Variants in MSH3 observed in about 807,000 individuals in gnomAD.
The protein encoded by MSH3 is DNA mismatch repair protein Msh3.
In MSH3, 106 loss-of-function variants were observed where a neutral mutation model predicts 123.3. The ratio of observed to expected loss-of-function variants is 0.86; its 90% confidence interval spans 0.73 to 1.01. The LOEUF is 1.01. Among genes scored for constraint, MSH3 ranks in the 50% least tolerant of loss-of-function variants. The pLI, the probability that MSH3 is intolerant of heterozygous loss-of-function variation, is 0.00. For missense variants in MSH3, 1,459 were observed against 1,347.6 expected (o/e 1.08, Z -1.29); for synonymous variants, 515 against 481.4 (o/e 1.07, Z -0.91).
chr5:80,797,583 A>G (rs952308063), intron 19 of MSH3, among the ~76,000 whole-genome samples: 3 of 152,252 alleles, frequency 2.0e-5, no homozygotes, highest in Non-Finnish European at 4.4e-5. Context: ...TGAGTAAACT[A>G]TGGTTCAGAA....
rs570136307 is a variant in MSH3 at position 80,670,128 on chromosome 5, G to T, written c.611G>T (p.Gly204Val). 3 of 1,614,022 alleles carry T rather than the reference G, an allele frequency of 1.9e-6. No homozygotes were observed. In the South Asian group the frequency reaches 3.3e-5, roughly 18 times the overall value. Residue 204 changes from glycine (G) to valine (V), a missense_variant, in exon 4 of 24, where the codon GGA becomes GTA. Transcript: ENST00000265081. ...ACACTTTTTGATCTCAGTCAGTTTG[G>T]ATCATCAAATACAAGTCATGAAAAT... ...DTTLFDLSQF[G>V]SSNTSHENLQ...
At chr5:80,721,735 A>G (rs530760912) in intron 8 of MSH3, among the ~76,000 whole-genome samples, 2 of 152,360 alleles carry the variant, frequency 1.3e-5, no homozygotes, top group Admixed American at 6.5e-5. Flanking sequence ...CTGAAAAACT[A>G]TGCTTGAATC....
At chr5:80,685,658 T>A (rs907228533) in intron 8 of MSH3, among the ~76,000 whole-genome samples, 1 of 152,218 alleles carries the variant, frequency 6.6e-6, no homozygotes, top group Non-Finnish European at 1.5e-5. Context: ...TTTCATTTAT[T>A]TCTGCTCTGA....
intron 20 of MSH3, among the ~76,000 whole-genome samples, chr5:80,824,360 T>TGGGGGCTGCCCCCCACCTCCCTCCAGGAC (rs1273970659): frequency 3.4e-5 from 5 of 146,112 alleles, no homozygotes; most frequent in South Asian, 2.2e-4. Flanking sequence ...GCTGGCCGGG[T>TGGGGGCTGCCCCCCACCTCCCTCCAGGAC]GGGGGCTGCC....
At chr5:80,780,404 C>A (rs1479270623) in intron 17 of MSH3, among the ~76,000 whole-genome samples, 1 of 152,182 alleles carries the variant, frequency 6.6e-6, no homozygotes, top group Non-Finnish European at 1.5e-5. Context: ...ACCCAACTTA[C>A]AAATGAATAA....
chr5:80,719,759 G>A (rs1219716303), intron 8 of MSH3, among the ~76,000 whole-genome samples: 1 of 152,204 alleles, frequency 6.6e-6, no homozygotes, highest in African/African-American at 2.4e-5. Context: ...GAGAGTCTTA[G>A]TTCTCCAAAC....
At chr5:80,869,841 T>TATACATATATACATATATATACACAC (rs376147429) in intron 22 of MSH3, among the ~76,000 whole-genome samples, 8 of 132,522 alleles carry the variant, frequency 6.0e-5, no homozygotes, top group African/African-American at 8.6e-5. Flanking sequence ...TACATATATA[T>TATACATATATACATATATATACACAC]ACACACACAC....
chr5:80,692,944 T>C lies in MSH3; in HGVS notation c.1340+13851T>C, dbSNP rs1039353167. On this transcript the variant is annotated intron_variant, in intron 8 of 23. Coordinates refer to ENST00000265081, the MANE Select transcript of MSH3 (RefSeq NM_002439.5). ...ATGTATATGTTTAGATAAATATACA[T>C]GCACATGTATATGTTTAGATAAATA... 6.4e-4 allele frequency among the ~76,000 whole-genome samples: 54 copies of C among 83,902 alleles called. 2 individuals are homozygous for C. Among genetic ancestry groups the C allele is most frequent in the African/African-American group, 2.4e-3 (51 of 20,922 alleles). The allele number at this position is 83,902 out of a possible 152,430, so 55.0% of individuals were successfully genotyped here. A position where few individuals can be genotyped will look rare whatever the true frequency, so the allele number is the denominator to read the frequency against.
chr5:80,827,872 G>A (rs904508446), intron 20 of MSH3, among the ~76,000 whole-genome samples: 2 of 152,138 alleles, frequency 1.3e-5, no homozygotes, highest in African/African-American at 4.8e-5. Flanking sequence ...GATGAAGGAG[G>A]CCTTTAGACA....
Position 80,768,021 on chromosome 5 carries a change from A to G in MSH3, c.1985A>G (p.His662Arg). 1 of 1,613,730 alleles carries G rather than the reference A, an allele frequency of 6.2e-7. No homozygotes were observed. ...GCAATAATACCTGCTGTTAATTCCC[A>G]CATTCAGTCAGACTTGCTCCGGACC... Reference protein sequence around the residue: ...FQAIIPAVNSHIQSDLLRTVI... With the variant: ...FQAIIPAVNSRIQSDLLRTVI... The change falls in exon 14 of 24, where the codon CAC becomes CGC. Residue 662 changes from histidine (H) to arginine (R), a missense_variant. Physicochemically the swap from His to Arg is conservative, Grantham distance 29. Transcript: ENST00000265081.
rs1451464888 is a variant in MSH3 at position 80,864,942 on chromosome 5, G to A, written c.3130G>A (p.Gly1044Ser). Reference protein sequence around the residue: ...VSEDESKLDPGAAEQVPDFVT... With the variant: ...VSEDESKLDPSAAEQVPDFVT... ...TGAGGATGAAAGCAAACTGGATCCAGGTATGAAATATTCCTGCAGTTGGTA... is the reference window on the plus strand; with the variant it reads ...TGAGGATGAAAGCAAACTGGATCCAAGTATGAAATATTCCTGCAGTTGGTA... Residue 1044 changes from glycine to serine, a missense_variant and splice_region_variant, in exon 22 of 24, where the codon GGC (glycine) becomes AGC (serine). Gly to Ser is a moderately conservative substitution (Grantham distance 56). Coordinates refer to ENST00000265081, the MANE Select transcript of MSH3 (RefSeq NM_002439.5). The A allele has an allele frequency of 6.8e-6, 11 of 1,613,812 alleles. No individual in the cohort carries two copies. The highest frequency in any genetic ancestry group is 9.3e-6 in the Non-Finnish European group (11 of 1,179,788).
chr5:80,719,051 T>A (rs904435011), intron 8 of MSH3, among the ~76,000 whole-genome samples: 3 of 147,542 alleles, frequency 2.0e-5, no homozygotes, highest in Non-Finnish European at 3.0e-5. Flanking sequence ...GAAATGGTAT[T>A]TTTTTTTTTT....
intron 8 of MSH3, among the ~76,000 whole-genome samples, chr5:80,702,651 A>AT (rs1750636551): frequency 6.6e-6 from 1 of 152,106 alleles, no homozygotes; most frequent in Non-Finnish European, 1.5e-5. Context: ...AACTAGACAG[A>AT]TTTGGGGGAA....
intron 21 of MSH3, among the ~76,000 whole-genome samples, chr5:80,856,010 G>A (rs533320312): frequency 1.3e-5 from 2 of 150,856 alleles, no homozygotes; most frequent in African/African-American, 2.4e-5. Context: ...TCGGCCTCCC[G>A]AGTAGCTGGG....
intron 20 of MSH3, among the ~76,000 whole-genome samples, chr5:80,821,355 A>T (rs1057245504): frequency 6.6e-6 from 1 of 152,226 alleles, no homozygotes; most frequent in African/African-American, 2.4e-5. Flanking sequence ...TGCCCCACTC[A>T]GGATGGCAGT....
intron 21 of MSH3, among the ~76,000 whole-genome samples, chr5:80,861,566 CT>C (rs1163150500): frequency 2.6e-5 from 4 of 152,148 alleles, no homozygotes; most frequent in African/African-American, 9.7e-5. Flanking sequence ...CAAAATAGTT[CT>C]TTCTTTCTTC....
At chr5:80,737,418 G>A (rs981712711) in intron 10 of MSH3, among the ~76,000 whole-genome samples, 1 of 151,782 alleles carries the variant, frequency 6.6e-6, no homozygotes, top group Non-Finnish European at 1.5e-5. Flanking sequence ...ACTATTGAGG[G>A]AAAAAAAGCA....
chr5:80,781,587 C>T (rs1212907864), intron 17 of MSH3, among the ~76,000 whole-genome samples: 1 of 152,040 alleles, frequency 6.6e-6, no homozygotes, highest in Non-Finnish European at 1.5e-5. Flanking sequence ...TCCACCTCAG[C>T]CCCCTAGTAG....
At chr5:80,741,650 C>G in intron 11 of MSH3, 102 bp downstream of exon 11, 1 of 793,540 alleles carries the variant, frequency 1.3e-6, no homozygotes, top group Non-Finnish European at 2.3e-6. Context: ...AATATAGTGT[C>G]TTTAGCTGAC....
Sources: gnomAD v4.1 joint callset for allele counts (sites outside exome capture counted in the v4.1 genomes callset) on GRCh38, gnomAD v4.1.1 for gene constraint, MANE v1.5 for transcripts, NCBI Gene and HGNC (gene_info 2026-07-23, HGNC 2026-07-21) for gene names.